The following ANKFN1 variants were observed in gnomAD, a reference collection of about 807,000 sequenced individuals.
ANKFN1 encodes the protein ankyrin repeat and fibronectin type-III domain-containing protein 1.
In ANKFN1, 74 loss-of-function variants were observed where a neutral mutation model predicts 108.7. The ratio of observed to expected loss-of-function variants is 0.68; its 90% CI spans 0.56 to 0.83. ANKFN1 has a LOEUF of 0.83. Ranked by LOEUF, ANKFN1 falls within the 40% of genes least tolerant of loss-of-function variation. The pLI, the probability that ANKFN1 is intolerant of heterozygous loss-of-function variation, is 0.00. For missense variants in ANKFN1, 1,505 were observed against 1,382.3 expected (o/e 1.09, Z -1.41); for synonymous variants, 547 against 516.2 (o/e 1.06, Z -0.81).
In ANKFN1 at chr17:56,456,887, C is replaced by T. The variant is rs370040478; in HGVS notation, c.1234C>T (p.Arg412Cys). ...AAGCACAAAATTACAAACCACAGGC[C>T]GCAAGCAGTCAGTCTCAAGAAGCCT... Reference protein sequence around the residue: ...RESTKLQTTGRKQSVSRSLKH... With the variant: ...RESTKLQTTGCKQSVSRSLKH... Residue 412 changes from arginine to cysteine, a missense_variant, in exon 12 of 21, where the codon CGC (arginine) becomes TGC (cysteine). Transcript: ENST00000682825. 2.6e-5 allele frequency: 42 copies of T among 1,613,890 alleles called. No homozygotes were observed. The Admixed American group carries it at 2.8e-4, about 11-fold the overall frequency.
At chr17:56,360,349 TA>T (rs1304608574) in intron 6 of ANKFN1, among the ~76,000 whole-genome samples, 1 of 152,202 alleles carries the variant, frequency 6.6e-6, no homozygotes, top group Non-Finnish European at 1.5e-5. Flanking sequence ...AAATCCTTCT[TA>T]ACATTCACAT....
chr17:56,198,403 T>C (rs1484820200), intron 1 of ANKFN1, among the ~76,000 whole-genome samples: 1 of 152,158 alleles, frequency 6.6e-6, no homozygotes, highest in Non-Finnish European at 1.5e-5. Flanking sequence ...CCGCTGCTGA[T>C]GTGACAGGAG....
At chr17:56,143,955 A>T (rs541258253) in intron 4 of ANKFN1, among the ~76,000 whole-genome samples, 11 of 152,242 alleles carry the variant, frequency 7.2e-5, no homozygotes, top group African/African-American at 2.6e-4. Context: ...GTGAGAGGTT[A>T]AGTGGAGGCT....
At chr17:56,185,716 A>C (rs1177251651) in intron 1 of ANKFN1, among the ~76,000 whole-genome samples, 1 of 152,170 alleles carries the variant, frequency 6.6e-6, no homozygotes, top group Admixed American at 6.5e-5. Context: ...TGTCTGGCAC[A>C]AGTTGCAGAC....
chr17:56,059,490 G>A (rs1362458119), intron 4 of ANKFN1, among the ~76,000 whole-genome samples: 1 of 152,044 alleles, frequency 6.6e-6, no homozygotes, highest in Non-Finnish European at 1.5e-5. Context: ...GATGTTTTTT[G>A]TCATGAAGTC....
chr17:56,164,134 A>C, intron 1 of ANKFN1, among the ~76,000 whole-genome samples: 2 of 151,510 alleles, frequency 1.3e-5, no homozygotes, highest in African/African-American at 2.4e-5. Context: ...ATTCCCCTCA[A>C]CTCTGGCCAC....
chr17:56,114,935 A>C (rs1329377872), intron 4 of ANKFN1, among the ~76,000 whole-genome samples: 1 of 152,224 alleles, frequency 6.6e-6, no homozygotes, highest in Non-Finnish European at 1.5e-5. Flanking sequence ...TGGGCCAAAG[A>C]GTATGCACAG....
At chr17:56,284,370 A>G (rs2044163419) in intron 3 of ANKFN1, among the ~76,000 whole-genome samples, 1 of 152,216 alleles carries the variant, frequency 6.6e-6, no homozygotes, top group Non-Finnish European at 1.5e-5. Context: ...GTTGTCTTTA[A>G]AAGTATGAGA....
chr17:56,248,162 A>T (rs1247805734), intron 3 of ANKFN1, among the ~76,000 whole-genome samples: 1 of 152,182 alleles, frequency 6.6e-6, no homozygotes, highest in Non-Finnish European at 1.5e-5. Context: ...AGATATCATG[A>T]TTACCATCCC....
At chr17:56,375,892 A>T (rs574997147) in intron 8 of ANKFN1, among the ~76,000 whole-genome samples, 202 of 152,354 alleles carry the variant, frequency 1.3e-3, no homozygotes, top group African/African-American at 4.3e-3. Context: ...GCAGATGGAA[A>T]AACAGAGGCA....
At chr17:56,225,249 C>G (rs896512492) in intron 2 of ANKFN1, among the ~76,000 whole-genome samples, 1 of 152,008 alleles carries the variant, frequency 6.6e-6, no homozygotes, top group African/African-American at 2.4e-5. Context: ...CCTGCTCTAG[C>G]GTAAGAATAA....
chr17:56,308,828 T>C (rs1261841241), intron 3 of ANKFN1, among the ~76,000 whole-genome samples: 1 of 152,220 alleles, frequency 6.6e-6, no homozygotes, highest in Non-Finnish European at 1.5e-5. Context: ...GATATGATTA[T>C]GTGAGTTTGC....
rs113806174 is a variant in ANKFN1, at chr17:56,360,910, A to C, written c.601+6864A>C. Among the ~76,000 whole-genome samples, 653 of 152,302 alleles carry C rather than the reference A, an allele frequency of 4.3e-3. 11 individuals are homozygous for C. Among genetic ancestry groups the C allele is most frequent in the African/African-American group, 0.014 (593 of 41,566 alleles). On this transcript the variant is annotated intron_variant, in intron 6 of 20. Transcript: ENST00000682825. Reference sequence around the variant, plus strand: ...TCAAACTAATTCACAGATCCATCACAACCCATGCTCCACATTAGATCCCCA... The same window carrying C: ...TCAAACTAATTCACAGATCCATCACCACCCATGCTCCACATTAGATCCCCA...
intron 4 of ANKFN1, among the ~76,000 whole-genome samples, chr17:56,143,585 C>A (rs529862852): frequency 7.3e-4 from 111 of 152,232 alleles, no homozygotes; most frequent in Middle Eastern, 3.4e-3. Context: ...AAAGATATAT[C>A]CAAACCCTAA....
At chr17:56,413,738 G>C (rs1423669932) in intron 8 of ANKFN1, among the ~76,000 whole-genome samples, 1 of 149,198 alleles carries the variant, frequency 6.7e-6, no homozygotes, top group Non-Finnish European at 1.5e-5. Flanking sequence ...TTTTTCTTTT[G>C]AGATGGAGTC....
chr17:56,265,594 A>G (rs1394172049), intron 3 of ANKFN1, among the ~76,000 whole-genome samples: 1 of 152,190 alleles, frequency 6.6e-6, no homozygotes, highest in Non-Finnish European at 1.5e-5. Flanking sequence ...CTTTCACAGC[A>G]TGGAAGCCAA....
At chr17:56,261,096 C>T (rs974305721) in intron 3 of ANKFN1, among the ~76,000 whole-genome samples, 4 of 152,210 alleles carry the variant, frequency 2.6e-5, no homozygotes, top group African/African-American at 9.7e-5. Flanking sequence ...TGACCTGGTG[C>T]TTAGCAGCCT....
intron 3 of ANKFN1, among the ~76,000 whole-genome samples, chr17:56,314,589 A>G (rs937883272): frequency 6.6e-6 from 1 of 152,202 alleles, no homozygotes; most frequent in Admixed American, 6.5e-5. Flanking sequence ...CAGGGTGACT[A>G]CTATTAATTT....
Position 56,365,719 on chromosome 17 carries a change from C to T in ANKFN1, c.602-6927C>T, listed in dbSNP as rs974704101. 2.6e-5 allele frequency among the ~76,000 whole-genome samples: 4 copies of T among 152,164 alleles called. No homozygotes were observed. In the East Asian group the frequency reaches 7.7e-4, roughly 29 times the overall value. On this transcript the variant is annotated intron_variant, in intron 6 of 20. Coordinates refer to ENST00000682825, the MANE Select transcript of ANKFN1 (RefSeq NM_001370326.1). ...AAATTCCTATTGCTTAATGATGTAG[C>T]TGTCATAACATCACAGTGCAATGCA...
Sources: gnomAD v4.1 joint callset for allele counts (sites outside exome capture counted in the v4.1 genomes callset) on GRCh38, gnomAD v4.1.1 for gene constraint, MANE v1.5 for transcripts, NCBI Gene and HGNC (gene_info 2026-07-23, HGNC 2026-07-21) for gene names.